The following VEGFC variants were observed in gnomAD, a reference collection of about 807,000 sequenced individuals.
VEGFC encodes FLT4 ligand DHM.
Under a neutral mutation model 46.1 loss-of-function variants are expected in VEGFC, and 12 were observed. The observed-to-expected ratio is 0.26, with a 90% CI of 0.17 to 0.42. The LOEUF is 0.42. Ranked by LOEUF, VEGFC falls within the 10% of genes least tolerant of loss-of-function variation. VEGFC has a pLI of 1.00. For missense variants in VEGFC, 488 were observed against 529.4 expected (o/e 0.92, Z 0.77); for synonymous variants, 232 against 195.5 (o/e 1.19, Z -1.56).
intron 4 of VEGFC, among the ~76,000 whole-genome samples, chr4:176,698,703 A>C (rs1157531344): frequency 6.6e-6 from 1 of 152,034 alleles, no homozygotes; most frequent in East Asian, 1.9e-4. Context: ...TCACACTCTA[A>C]CATTTCCCCA....
At position 176,792,361 on chromosome 4, in the gene VEGFC, G is replaced by T. The variant is rs757439796; in HGVS notation, c.-50C>A. ...CCGGTCCGCTGGCGGGGGCAGGGGT[G>T]GGGGCGCGGGCGCCCCTGCGAGGCC... On this transcript the variant is annotated 5_prime_UTR_variant, in exon 1 of 7. Coordinates refer to ENST00000618562, the MANE Select transcript of VEGFC (RefSeq NM_005429.5). The surrounding 1 kb of genome is among the most constrained non-coding windows in gnomAD (Gnocchi z 6.3). 7 of 1,367,672 alleles carry T rather than the reference G, an allele frequency of 5.1e-6. No individual in the cohort carries two copies. The highest frequency in any genetic ancestry group is 6.7e-6 in the Non-Finnish European group (7 of 1,051,886). 84.7% of individuals were successfully genotyped at this position (1,367,672 alleles called of 1,614,324 possible).
At chr4:176,758,686 A>G (rs1735476323) in intron 1 of VEGFC, among the ~76,000 whole-genome samples, 1 of 152,044 alleles carries the variant, frequency 6.6e-6, no homozygotes. Flanking sequence ...CCTAGTGATT[A>G]CTTTAGTTTG....
chr4:176,688,802 A>C (rs1438057476), intron 4 of VEGFC, among the ~76,000 whole-genome samples: 1 of 152,066 alleles, frequency 6.6e-6, no homozygotes, highest in Non-Finnish European at 1.5e-5. Flanking sequence ...AACATATATC[A>C]CAAGCTCAGC....
chr4:176,736,701 T>A (rs538148798), intron 1 of VEGFC, among the ~76,000 whole-genome samples: 1 of 151,908 alleles, frequency 6.6e-6, no homozygotes, highest in Non-Finnish European at 1.5e-5. Context: ...TGAAAATATT[T>A]CTTGCAGTGA....
intron 3 of VEGFC, among the ~76,000 whole-genome samples, chr4:176,712,125 CG>C (rs1438883150): frequency 2.0e-5 from 3 of 151,990 alleles, no homozygotes; most frequent in Non-Finnish European, 4.4e-5. Flanking sequence ...AATACATAGA[CG>C]TAAGTTACAT....
At chr4:176,740,417 CTATA>C (rs1301069341) in intron 1 of VEGFC, among the ~76,000 whole-genome samples, 157 of 67,418 alleles carry the variant, frequency 2.3e-3, no homozygotes, top group African/African-American at 9.3e-3. Context: ...TATATATATT[CTATA>C]TATAGTTATA....
At chr4:176,720,001 G>A (rs1427133144) in intron 3 of VEGFC, among the ~76,000 whole-genome samples, 1 of 151,954 alleles carries the variant, frequency 6.6e-6, no homozygotes, top group Admixed American at 6.6e-5. Context: ...GGAGGTTGCA[G>A]TGAGCCAAGA....
chr4:176,740,915 GT>G (rs1735160865), intron 1 of VEGFC, among the ~76,000 whole-genome samples: 1 of 151,814 alleles, frequency 6.6e-6, no homozygotes. Context: ...CTCAACAAAA[GT>G]TTGTTGTATA....
intron 3 of VEGFC, 84 bp downstream of exon 3, chr4:176,727,694 C>A: frequency 7.2e-7 from 1 of 1,397,420 alleles, no homozygotes. Flanking sequence ...TTTAAAGCAA[C>A]CAGAAGTTTA....
At chr4:176,727,008 G>C (rs1298957370) in intron 3 of VEGFC, among the ~76,000 whole-genome samples, 1 of 152,186 alleles carries the variant, frequency 6.6e-6, no homozygotes, top group Non-Finnish European at 1.5e-5. Flanking sequence ...CACGGGACTG[G>C]ATTTCTCCAA....
chr4:176,691,323 T>C (rs1326238249), intron 4 of VEGFC, among the ~76,000 whole-genome samples: 1 of 152,232 alleles, frequency 6.6e-6, no homozygotes, highest in African/African-American at 2.4e-5. Context: ...AATTATGTTT[T>C]TTGTATAGTG....
intron 4 of VEGFC, among the ~76,000 whole-genome samples, chr4:176,698,128 G>A (rs1206140845): frequency 6.6e-6 from 1 of 150,878 alleles, no homozygotes; most frequent in Admixed American, 6.6e-5. Flanking sequence ...AAAACTTAAA[G>A]TATAATAATA....
intron 1 of VEGFC, among the ~76,000 whole-genome samples, chr4:176,741,771 C>A (rs1735179622): frequency 6.6e-6 from 1 of 151,890 alleles, no homozygotes; most frequent in African/African-American, 2.4e-5. Flanking sequence ...TAGAGAGATT[C>A]ACATTATACA....
chr4:176,687,720 TAGA>T, intron 5 of VEGFC, 98 bp downstream of exon 5: 1 of 1,073,076 alleles, frequency 9.3e-7, no homozygotes. Context: ...GTCACTTATT[TAGA>T]AGAATGATGA....
At chr4:176,729,304 T>C (rs1028288832) in intron 2 of VEGFC, among the ~76,000 whole-genome samples, 2 of 152,202 alleles carry the variant, frequency 1.3e-5, no homozygotes, top group Non-Finnish European at 2.9e-5. Context: ...AAAAAATAAA[T>C]GTGTGTTGTT....
chr4:176,760,501 T>G (rs1470873476), intron 1 of VEGFC, among the ~76,000 whole-genome samples: 2 of 152,170 alleles, frequency 1.3e-5, no homozygotes, highest in African/African-American at 2.4e-5. Context: ...TGTCTATATA[T>G]TCTTAATAAA....
At chr4:176,776,515 T>C (rs1735815468) in intron 1 of VEGFC, among the ~76,000 whole-genome samples, 1 of 152,182 alleles carries the variant, frequency 6.6e-6, no homozygotes, top group Admixed American at 6.5e-5. Context: ...AGAGGCACAA[T>C]ACAAAACATA....
chr4:176,759,696 A>G (rs1186091657), intron 1 of VEGFC, among the ~76,000 whole-genome samples: 2 of 151,922 alleles, frequency 1.3e-5, no homozygotes, highest in Non-Finnish European at 2.9e-5. Flanking sequence ...CACAGTGTAC[A>G]CCATGCATAT....
Position 176,687,268 on chromosome 4 carries a change from G to C in VEGFC, c.1064C>G (p.Pro355Arg), listed in dbSNP as rs186096619. ...TGTACATTCACAGGCACATTTTCCA[G>C]GATTTAGGGGTTGATTTCTGGGGCA... Reference protein sequence around the residue: ...RTCPRNQPLNPGKCACECTES... With the variant: ...RTCPRNQPLNRGKCACECTES... The change falls in exon 6 of 7, where the codon CCT (proline) becomes CGT (arginine). Residue 355 changes from proline to arginine, a missense_variant. Physicochemically the swap from Pro to Arg is moderately radical, Grantham distance 103. Coordinates refer to ENST00000618562, the MANE Select transcript of VEGFC (RefSeq NM_005429.5). The C allele has an allele frequency of 8.8e-5, 142 of 1,614,088 alleles. No homozygotes were observed. The highest frequency in any genetic ancestry group is 1.1e-4 in the Non-Finnish European group (131 of 1,180,030).
Sources: allele counts gnomAD v4.1 joint callset (sites outside exome capture counted in the v4.1 genomes callset), GRCh38; gene constraint gnomAD v4.1.1; non-coding constraint Gnocchi (gnomAD v3.1); transcripts MANE v1.5; gene names NCBI Gene and HGNC (gene_info 2026-07-23, HGNC 2026-07-21).